MTCL2: variants seen among roughly 807,000 people sequenced by gnomAD.
MTCL2 encodes microtubule cross-linking factor 2.
the MTCL2 span, among the ~76,000 whole-genome samples, chr20:36,792,431 G>A: frequency 1.3e-5 from 2 of 152,106 alleles, no homozygotes; most frequent in Non-Finnish European, 2.9e-5. Flanking sequence ...TTTGAACCCA[G>A]GAGGCGGAGG....
the MTCL2 span, among the ~76,000 whole-genome samples, chr20:36,852,255 C>T: frequency 5.0e-4 from 76 of 152,126 alleles, 1 homozygote; most frequent in Middle Eastern, 0.01. Context: ...CAGGCCGAGG[C>T]CTGGGCTGCC....
At chr20:36,807,070 C>T in the MTCL2 span, among the ~76,000 whole-genome samples, 2 of 152,152 alleles carry the variant, frequency 1.3e-5, no homozygotes, top group South Asian at 2.1e-4. Context: ...GAGACAGCTT[C>T]GGACAGGAGG....
chr20:36,782,428 A>C, the MTCL2 span: 1 of 152,242 alleles, frequency 6.6e-6, no homozygotes, highest in Non-Finnish European at 1.5e-5. Context: ...CTCTGGGATG[A>C]GACCTGTACC....
the MTCL2 span, among the ~76,000 whole-genome samples, chr20:36,827,022 C>CTTTATTTA: frequency 0.039 from 5,687 of 144,240 alleles, 136 homozygotes; most frequent in African/African-American, 0.055. Context: ...TATCATCCTG[C>CTTTATTTA]TTTATTTATT....
the MTCL2 span, chr20:36,796,780 G>A: frequency 8.7e-6 from 10 of 1,154,330 alleles, no homozygotes; most frequent in Admixed American, 5.4e-5. Context: ...CAGGGCTGCG[G>A]TGAAAGCAGG....
At chr20:36,836,341 ATTTTTTTTTTTT>A in the MTCL2 span, among the ~76,000 whole-genome samples, 1 of 85,406 alleles carries the variant, frequency 1.2e-5, no homozygotes. Flanking sequence ...CGCCCAGCTA[ATTTTTTTTTTTT>A]TTTTTTTTTT....
At chr20:36,806,039 A>T in the MTCL2 span, 2 of 1,187,928 alleles carry the variant, frequency 1.7e-6, no homozygotes, top group East Asian at 5.1e-5. Flanking sequence ...ATGTAGGTCG[A>T]GGAGCACGGC....
chr20:36,829,312 A>G, the MTCL2 span: 2 of 1,244,752 alleles, frequency 1.6e-6, no homozygotes, highest in South Asian at 3.1e-5. Context: ...GCAACCCTAG[A>G]GACAGGCAGG....
the MTCL2 span, among the ~76,000 whole-genome samples, chr20:36,851,381 G>C: frequency 2.6e-5 from 4 of 152,096 alleles, no homozygotes; most frequent in African/African-American, 9.7e-5. Context: ...AAATCCCATC[G>C]TACAGCATAC....
chr20:36,818,532 G>A, the MTCL2 span, among the ~76,000 whole-genome samples: 61 of 152,328 alleles, frequency 4.0e-4, 4 homozygotes, highest in East Asian at 5.4e-3. Context: ...TGGCATAGTG[G>A]CTCATGCCTG....
At chr20:36,786,274 G>T in the MTCL2 span, 1 of 1,250,066 alleles carries the variant, frequency 8.0e-7, no homozygotes, top group Non-Finnish European at 1.0e-6. Context: ...GCCTTCCCCT[G>T]GGAAGTCGAA....
At chr20:36,838,376 C>G in the MTCL2 span, among the ~76,000 whole-genome samples, 5 of 152,112 alleles carry the variant, frequency 3.3e-5, no homozygotes, top group Admixed American at 1.3e-4. Flanking sequence ...AGGAGGATCA[C>G]TTGAGCCCAG....
At chr20:36,786,417 C>T in the MTCL2 span, 1 of 1,455,876 alleles carries the variant, frequency 6.9e-7, no homozygotes, top group Non-Finnish European at 9.1e-7. Flanking sequence ...CACCTCGTCT[C>T]GTCTCTGCTG....
At chr20:36,833,552 G>A in the MTCL2 span, among the ~76,000 whole-genome samples, 8 of 152,256 alleles carry the variant, frequency 5.3e-5, no homozygotes, top group East Asian at 9.6e-4. Flanking sequence ...GAGCTCTCAC[G>A]AAAGAGCAGC....
the MTCL2 span, chr20:36,812,885 A>AT: frequency 6.3e-7 from 1 of 1,593,420 alleles, no homozygotes; most frequent in Non-Finnish European, 8.5e-7. Flanking sequence ...AAAGATCACC[A>AT]TGGGGAGGGG....
chr20:36,816,167 G>T, the MTCL2 span: 1 of 1,613,702 alleles, frequency 6.2e-7, no homozygotes, highest in South Asian at 1.1e-5. Flanking sequence ...CGCTGTCCAG[G>T]TCCCCATAGA....
chr20:36,811,790 TG>T, the MTCL2 span, among the ~76,000 whole-genome samples: 1 of 152,192 alleles, frequency 6.6e-6, no homozygotes, highest in Non-Finnish European at 1.5e-5. Context: ...CACATAGTCA[TG>T]GGCTGACCTT....
the MTCL2 span, chr20:36,784,038 C>A: frequency 1.0e-6 from 1 of 985,638 alleles, no homozygotes; most frequent in South Asian, 4.7e-5. Context: ...AAGGACAATC[C>A]TGGACGGTAC....
chr20:36,857,870 C>T, the MTCL2 span, among the ~76,000 whole-genome samples: 1 of 152,164 alleles, frequency 6.6e-6, no homozygotes, highest in Non-Finnish European at 1.5e-5. Context: ...ACTCACTGTG[C>T]ACTCCATCTG....
Sources: allele counts gnomAD v4.1 joint callset (sites outside exome capture counted in the v4.1 genomes callset), GRCh38; gene constraint gnomAD v4.1.1; transcripts MANE v1.5; gene names NCBI Gene and HGNC (gene_info 2026-07-23, HGNC 2026-07-21).